The following PTPRD variants were observed in gnomAD, a reference collection of about 807,000 sequenced individuals.
PTPRD encodes protein tyrosine phosphatase receptor type D, also known as receptor-type tyrosine-protein phosphatase delta.
Under a neutral mutation model 214.5 loss-of-function variants are expected in PTPRD, and 34 were observed. The observed-to-expected ratio is 0.16, with a 90% CI of 0.12 to 0.21. PTPRD has a LOEUF of 0.21. Ranked by LOEUF, PTPRD falls within the 10% of genes least tolerant of loss-of-function variation. PTPRD has a pLI of 1.00. For synonymous variants in PTPRD, 1,128 were observed against 845.7 expected (o/e 1.33, Z -5.79); for missense variants, 2,545 against 2,398.7 (o/e 1.06, Z -1.27).
intron 9 of PTPRD, among the ~76,000 whole-genome samples, chr9:9,196,033 A>T (rs2099938395): frequency 6.6e-6 from 1 of 152,194 alleles, no homozygotes; most frequent in Admixed American, 6.5e-5. Flanking sequence ...TCCTCTGGAC[A>T]TAAAGATGGG....
chr9:10,437,867 C>T (rs2098730946), intron 2 of PTPRD, among the ~76,000 whole-genome samples: 1 of 150,608 alleles, frequency 6.6e-6, no homozygotes, highest in Admixed American at 6.6e-5. Context: ...CATATAGTGT[C>T]AGTAGATGAG....
intron 8 of PTPRD, among the ~76,000 whole-genome samples, chr9:9,420,067 T>C (rs2078223525): frequency 6.7e-6 from 1 of 149,986 alleles, no homozygotes. Context: ...CAAGTTAAAC[T>C]GATCTTTTAA....
chr9:10,267,906 T>A (rs563613266), intron 3 of PTPRD, among the ~76,000 whole-genome samples: 2 of 152,176 alleles, frequency 1.3e-5, no homozygotes, highest in South Asian at 4.2e-4. Context: ...ATCACACATA[T>A]CTAATGATCT....
chr9:9,630,436 C>A (rs2095554263), intron 7 of PTPRD, among the ~76,000 whole-genome samples: 1 of 152,178 alleles, frequency 6.6e-6, no homozygotes, highest in South Asian at 2.1e-4. Flanking sequence ...ACACCTTCTA[C>A]TTCGAGTCCC....
chr9:8,485,120 C>A lies in PTPRD; in HGVS notation c.3153+107G>T, dbSNP rs1194420945. On this transcript the variant is annotated intron_variant, in intron 29 of 45. Transcript: ENST00000381196. The stretch of plus-strand genomic sequence containing the variant: ...AAGTCACAAATGAAAATAGCAAGGA[C>A]ACGTGGCCAAAACAAAGTGGTCTGC... 4 of 812,370 alleles carry A rather than the reference C, an allele frequency of 4.9e-6. No individual in the cohort carries two copies. In the African/African-American group the frequency reaches 6.9e-5, roughly 14 times the overall value. The allele number at this position is 812,370 out of a possible 1,614,324, so 50.3% of individuals were successfully genotyped here. A position where few individuals can be genotyped will look rare whatever the true frequency, so the allele number is the denominator to read the frequency against.
chr9:9,837,805 A>C (rs1448213979), intron 5 of PTPRD, among the ~76,000 whole-genome samples: 1 of 152,078 alleles, frequency 6.6e-6, no homozygotes, highest in Non-Finnish European at 1.5e-5. Flanking sequence ...TTTAGGGTAC[A>C]TGTGCACAAT....
chr9:10,482,252 T>G (rs2099104357), intron 2 of PTPRD, among the ~76,000 whole-genome samples: 1 of 151,834 alleles, frequency 6.6e-6, no homozygotes, highest in African/African-American at 2.4e-5. Flanking sequence ...GTGCCTGTAG[T>G]CCCAGCTACT....
intron 14 of PTPRD, among the ~76,000 whole-genome samples, chr9:8,581,648 T>C (rs764073691): frequency 8.6e-5 from 13 of 151,936 alleles, no homozygotes; most frequent in Non-Finnish European, 1.6e-4. Flanking sequence ...CTTGGGAGGC[T>C]GAGGCAGGAG....
intron 11 of PTPRD, among the ~76,000 whole-genome samples, chr9:8,886,356 G>A (rs553760128): frequency 6.6e-6 from 1 of 152,234 alleles, no homozygotes; most frequent in South Asian, 2.1e-4. Context: ...TGCACAGCAT[G>A]GAGACTCACC....
chr9:8,703,695 C>G (rs1317380762), intron 12 of PTPRD, among the ~76,000 whole-genome samples: 1 of 152,148 alleles, frequency 6.6e-6, no homozygotes, highest in Non-Finnish European at 1.5e-5. Context: ...CATTGTTATT[C>G]TCTTTTTTGT....
intron 36 of PTPRD, among the ~76,000 whole-genome samples, chr9:8,394,161 T>G (rs1227853259): frequency 6.6e-6 from 1 of 150,686 alleles, no homozygotes; most frequent in Non-Finnish European, 1.5e-5. Flanking sequence ...TCATGTGGAT[T>G]TTTTAAAACC....
chr9:10,443,217 A>C (rs998876818), intron 2 of PTPRD, among the ~76,000 whole-genome samples: 2 of 151,614 alleles, frequency 1.3e-5, no homozygotes, highest in Admixed American at 6.6e-5. Flanking sequence ...ATATATTCTT[A>C]GAATCCGGTC....
At chr9:10,513,163 G>A (rs373379849) in intron 2 of PTPRD, among the ~76,000 whole-genome samples, 1 of 151,364 alleles carries the variant, frequency 6.6e-6, no homozygotes, top group Non-Finnish European at 1.5e-5. Flanking sequence ...TTATTATTTG[G>A]TTTTATGATT....
intron 2 of PTPRD, among the ~76,000 whole-genome samples, chr9:10,583,564 G>C (rs980777904): frequency 2.0e-5 from 3 of 151,804 alleles, no homozygotes; most frequent in Admixed American, 6.6e-5. Flanking sequence ...CCATTCTCCT[G>C]CCTCAGCCTC....
At chr9:10,410,678 A>G (rs1389929653) in intron 2 of PTPRD, among the ~76,000 whole-genome samples, 1 of 151,832 alleles carries the variant, frequency 6.6e-6, no homozygotes, top group Non-Finnish European at 1.5e-5. Context: ...TAATCTAAAT[A>G]ATAACATTGA....
At chr9:8,539,801 C>G (rs2077904866) in intron 14 of PTPRD, among the ~76,000 whole-genome samples, 2 of 152,056 alleles carry the variant, frequency 1.3e-5, no homozygotes, top group South Asian at 4.1e-4. Context: ...CTGAGGAACT[C>G]TTCCAGGTTG....
chr9:10,595,892 T>G (rs761612208), intron 2 of PTPRD, among the ~76,000 whole-genome samples: 1 of 151,764 alleles, frequency 6.6e-6, no homozygotes, highest in Non-Finnish European at 1.5e-5. Flanking sequence ...GATTGTCAAG[T>G]GTATATCAAA....
At chr9:10,013,585 G>GA (rs1027918106) in intron 4 of PTPRD, among the ~76,000 whole-genome samples, 89 of 144,628 alleles carry the variant, frequency 6.2e-4, no homozygotes, top group African/African-American at 2.1e-3. Context: ...TGTAGTAGCT[G>GA]AAAAAAAAAA....
intron 10 of PTPRD, among the ~76,000 whole-genome samples, chr9:9,072,738 C>T (rs559095296): frequency 1.3e-4 from 20 of 152,166 alleles, no homozygotes; most frequent in South Asian, 4.1e-4. Context: ...AGGGACTTGA[C>T]GAAAGTGAAG....
Sources: gnomAD v4.1 joint callset for allele counts (sites outside exome capture counted in the v4.1 genomes callset) on GRCh38, gnomAD v4.1.1 for gene constraint, MANE v1.5 for transcripts, NCBI Gene and HGNC (gene_info 2026-07-23, HGNC 2026-07-21) for gene names.